XPNPEP3: variants seen among roughly 807,000 people sequenced by gnomAD.
XPNPEP3 encodes the protein X-prolyl aminopeptidase 3.
A neutral mutation model predicts 60.0 loss-of-function variants in XPNPEP3; 41 were observed. That is an observed-to-expected ratio of 0.68 (90% CI 0.53 to 0.89). The LOEUF is 0.89. XPNPEP3 is among the 40% of genes least tolerant of loss of function. The pLI is 0.00. For missense variants in XPNPEP3, 598 were observed against 638.9 expected, an observed-to-expected ratio of 0.94 and a Z score of 0.69; for synonymous variants, 212 against 223.2, an observed-to-expected ratio of 0.95 and a Z score of 0.45.
At chr22:40,916,463 G>C (rs1203293654) in intron 7 of XPNPEP3, among the ~76,000 whole-genome samples, 1 of 152,128 alleles carries the variant, frequency 6.6e-6, no homozygotes, top group African/African-American at 2.4e-5. Context: ...GTGGGAAGAT[G>C]GCAGCAGCAG....
Position 40,907,567 on chromosome 22 carries a change from A to C in XPNPEP3, c.793-20A>C. ...CATAGAATGAGATCGTGTTCTTTTC[A>C]TCCTCCTTTCTCTTTGCAGGCTTTC... On this transcript the variant is annotated intron_variant, in intron 4 of 9. Coordinates refer to ENST00000357137, the MANE Select transcript of XPNPEP3 (RefSeq NM_022098.4). 1 of 1,611,118 alleles carries C rather than the reference A, an allele frequency of 6.2e-7. No homozygotes were observed. The highest frequency in any genetic ancestry group is 1.1e-5 in the South Asian group (1 of 91,026).
Position 40,857,191 on chromosome 22 carries a change from C to T in XPNPEP3, c.10C>T (p.Leu4=). The T allele has an allele frequency of 1.2e-6, 2 of 1,614,198 alleles. No individual in the cohort carries two copies. The highest frequency in any genetic ancestry group is 1.1e-5 in the South Asian group (1 of 91,090). ...CGTGAGTTAGGCCGTAATGCCTTGGCTGCTCTCAGCCCCCAAGCTGGTTCC... is the reference window on the plus strand; with the variant it reads ...CGTGAGTTAGGCCGTAATGCCTTGGTTGCTCTCAGCCCCCAAGCTGGTTCC... MPW[L]LSAPKLVPAV... The change falls in exon 1 of 10, where the codon CTG becomes TTG. Residue 4 remains leucine (L), a synonymous_variant. Coordinates refer to ENST00000357137, the MANE Select transcript of XPNPEP3 (RefSeq NM_022098.4).
Position 40,932,338 on chromosome 22 carries a change from T to G in XPNPEP3, c.*5903T>G, listed in dbSNP as rs80229420. 1.5e-5 allele frequency: 2 copies of G among 131,502 alleles called. No individual in the cohort carries two copies. Among genetic ancestry groups the G allele is most frequent in the Admixed American group, 7.3e-5 (1 of 13,690 alleles). 8.1% of individuals were successfully genotyped at this position (131,502 alleles called of 1,614,324 possible). On this transcript the variant is annotated 3_prime_UTR_variant, in exon 10 of 10. Coordinates refer to ENST00000357137, the MANE Select transcript of XPNPEP3 (RefSeq NM_022098.4). ...AAGAGGTTTTTATGGTGTGATTGTG[T>G]TTTTTTTTTTTTAATTTTTGTTTCC... is the stretch of plus-strand genomic sequence containing the variant.
intron 7 of XPNPEP3, among the ~76,000 whole-genome samples, chr22:40,918,497 C>T (rs943330930): frequency 2.6e-5 from 4 of 152,110 alleles, no homozygotes; most frequent in Admixed American, 1.3e-4. Flanking sequence ...CATGGTGAAA[C>T]CCTGTCTCTA....
At position 40,862,885 on chromosome 22, in the gene XPNPEP3, A is replaced by G. The variant is rs1420545252; in HGVS notation, c.64+5640A>G. 1.4e-5 allele frequency: 4 copies of G among 293,836 alleles called. No individual in the cohort carries two copies. The East Asian group carries it at 5.2e-4, about 38-fold the overall frequency. The allele number at this position is 293,836 out of a possible 1,614,324, so 18.2% of individuals were successfully genotyped here. ...TTCCTGGTGCTTGCATTATAATAGAATACAAATAGGAGAACAAATAAAATA... is the reference window on the plus strand; with the variant it reads ...TTCCTGGTGCTTGCATTATAATAGAGTACAAATAGGAGAACAAATAAAATA... On this transcript the variant is annotated intron_variant, in intron 1 of 9. Coordinates refer to ENST00000357137, the MANE Select transcript of XPNPEP3 (RefSeq NM_022098.4).
intron 4 of XPNPEP3, among the ~76,000 whole-genome samples, chr22:40,898,121 T>A (rs1405922042): frequency 6.6e-6 from 1 of 151,822 alleles, no homozygotes; most frequent in African/African-American, 2.4e-5. Flanking sequence ...TAACTGTGCT[T>A]TTGGTGTCAT....
At position 40,881,871 on chromosome 22, in the gene XPNPEP3, C is replaced by G. The variant is rs2058049478; in HGVS notation, c.283C>G (p.Gln95Glu). 4 of 1,613,988 alleles carry G rather than the reference C, an allele frequency of 2.5e-6. No homozygotes were observed. The highest frequency in any genetic ancestry group is 1.7e-6 in the Non-Finnish European group (2 of 1,180,022). Reference protein sequence around the residue: ...KEAQGQSGTDQTVVVLSNPTY... With the variant: ...KEAQGQSGTDETVVVLSNPTY... Reference sequence around the variant, plus strand: ...AGCTCAAGGGCAGAGTGGGACAGACCAGACAGTGGTTGTGCTCTCCAACCC... The same window carrying G: ...AGCTCAAGGGCAGAGTGGGACAGACGAGACAGTGGTTGTGCTCTCCAACCC... The change falls in exon 3 of 10, where the codon CAG (glutamine) becomes GAG (glutamate). Residue 95 changes from glutamine (Q) to glutamate (E), a missense_variant. Gln to Glu is a conservative substitution (Grantham distance 29). Transcript: ENST00000357137.
intron 6 of XPNPEP3, 140 bp from the exon 7 acceptor site, chr22:40,914,095 TCACA>T: frequency 1.5e-6 from 1 of 678,878 alleles, no homozygotes; most frequent in South Asian, 1.5e-5. Flanking sequence ...TGAGCTGAGA[TCACA>T]CCATTGCACT....
intron 1 of XPNPEP3, among the ~76,000 whole-genome samples, chr22:40,868,386 G>A (rs548549870): frequency 1.3e-5 from 2 of 151,732 alleles, no homozygotes; most frequent in South Asian, 2.1e-4. Context: ...CCTTTCTTCT[G>A]TTTTCATAGC....
At chr22:40,902,740 A>G (rs970065107) in intron 4 of XPNPEP3, among the ~76,000 whole-genome samples, 5 of 152,232 alleles carry the variant, frequency 3.3e-5, no homozygotes, top group Non-Finnish European at 7.3e-5. Context: ...GAAGACCTAG[A>G]GATAGTGCTT....
rs1291542430 is a variant in XPNPEP3, at chr22:40,928,248, G to A, written c.*1813G>A. ...GACAGAGTCTCGCTCTGTCGCCTGG[G>A]CTGGATGGAGTGCAGTGGCGTAATC... On this transcript the variant is annotated 3_prime_UTR_variant, in exon 10 of 10. Coordinates refer to ENST00000357137, the MANE Select transcript of XPNPEP3 (RefSeq NM_022098.4). The A allele has an allele frequency of 6.7e-6, 1 of 149,526 alleles. No individual in the cohort carries two copies. The highest frequency in any genetic ancestry group is 2.5e-5 in the African/African-American group (1 of 40,428). 9.3% of individuals were successfully genotyped at this position (149,526 alleles called of 1,614,324 possible). A position where few individuals can be genotyped will look rare whatever the true frequency, so the allele number is the denominator to read the frequency against.
intron 7 of XPNPEP3, among the ~76,000 whole-genome samples, chr22:40,916,096 C>T (rs1164151288): frequency 6.6e-6 from 1 of 151,946 alleles, no homozygotes; most frequent in African/African-American, 2.4e-5. Flanking sequence ...AGTTCAAGAC[C>T]AGCCTGGCCA....
intron 2 of XPNPEP3, among the ~76,000 whole-genome samples, chr22:40,878,606 A>C (rs1260886010): frequency 2.0e-5 from 3 of 146,948 alleles, no homozygotes; most frequent in Non-Finnish European, 4.5e-5. Context: ...TTTTTTTTTG[A>C]GACGGAATCT....
At chr22:40,896,600 CT>C (rs2058109124) in intron 4 of XPNPEP3, among the ~76,000 whole-genome samples, 1 of 151,450 alleles carries the variant, frequency 6.6e-6, no homozygotes, top group Non-Finnish European at 1.5e-5. Context: ...TGCTATTGCA[CT>C]CCAGACTAGG....
chr22:40,884,519 A>T (rs2058060953), intron 3 of XPNPEP3, among the ~76,000 whole-genome samples: 1 of 150,860 alleles, frequency 6.6e-6, no homozygotes, highest in Non-Finnish European at 1.5e-5. Context: ...TTTTTAGTAG[A>T]GACAAGGTTT....
Position 40,909,252 on chromosome 22 carries a change from C to T in XPNPEP3, c.969+17C>T. On this transcript the variant is annotated intron_variant, in intron 6 of 9. Transcript: ENST00000357137. ...CTCATCAAGGTACGTGAGATGCCCT[C>T]AGTGCTACTCCCACTAGGTCCAGAT... The T allele has an allele frequency of 6.3e-7, 1 of 1,593,832 alleles. No individual in the cohort carries two copies. The highest frequency in any genetic ancestry group is 8.6e-7 in the Non-Finnish European group (1 of 1,161,488).
At chr22:40,874,726 G>A (rs9611429) in intron 2 of XPNPEP3, among the ~76,000 whole-genome samples, 4,450 of 152,162 alleles carry the variant, frequency 0.029, 93 homozygotes, top group Non-Finnish European at 0.049. Flanking sequence ...ATACCCAACC[G>A]GAACATGTGT....
intron 7 of XPNPEP3, 134 bp from the exon 8 acceptor site, chr22:40,922,199 G>T: frequency 9.9e-7 from 1 of 1,013,858 alleles, no homozygotes; most frequent in Non-Finnish European, 1.5e-6. Context: ...CATATTGATA[G>T]ATTGGTACTT....
chr22:40,900,456 AT>A (rs1424052210), intron 4 of XPNPEP3, among the ~76,000 whole-genome samples: 4 of 151,858 alleles, frequency 2.6e-5, no homozygotes, highest in African/African-American at 4.8e-5. Flanking sequence ...AATACAAAAA[AT>A]TAGCCAGGCA....
Sources: allele counts gnomAD v4.1 joint callset (sites outside exome capture counted in the v4.1 genomes callset), GRCh38; gene constraint gnomAD v4.1.1; transcripts MANE v1.5; gene names NCBI Gene and HGNC (gene_info 2026-07-23, HGNC 2026-07-21).